The following STK3 variants were observed in gnomAD, a reference collection of about 807,000 sequenced individuals.
STK3 encodes the protein serine/threonine kinase 3.
A neutral mutation model predicts 58.0 loss-of-function variants in STK3; 41 were observed. The observed-to-expected ratio is 0.71, with a 90% CI of 0.55 to 0.92. The LOEUF is 0.92. Among genes scored for constraint, STK3 ranks in the 40% least tolerant of loss-of-function variants. STK3 has a pLI of 0.00. For synonymous variants in STK3, 170 were observed against 191.0 expected, an observed-to-expected ratio of 0.89 and a Z score of 0.91; for missense variants, 479 against 602.7, an observed-to-expected ratio of 0.79 and a Z score of 2.15.
At chr8:98,648,944 C>A (rs935668264) in intron 6 of STK3, among the ~76,000 whole-genome samples, 1 of 150,272 alleles carries the variant, frequency 6.7e-6, no homozygotes, top group South Asian at 2.1e-4. Flanking sequence ...GTAATCCCAG[C>A]TACTTGGGAG....
chr8:98,908,457 G>T (rs576488625), intron 1 of STK3, among the ~76,000 whole-genome samples: 5 of 152,356 alleles, frequency 3.3e-5, no homozygotes, highest in African/African-American at 1.2e-4. Flanking sequence ...GGAGGCCAAA[G>T]TGGGAGGATC....
intron 3 of STK3, among the ~76,000 whole-genome samples, chr8:98,415,751 A>C (rs1182817624): frequency 6.6e-6 from 1 of 152,380 alleles, no homozygotes; most frequent in South Asian, 2.1e-4. Flanking sequence ...AGTAAACTTC[A>C]TCCTATTCCA....
intron 3 of STK3, among the ~76,000 whole-genome samples, chr8:98,848,017 A>AAC (rs1225136366): frequency 6.6e-6 from 1 of 152,156 alleles, no homozygotes; most frequent in East Asian, 1.9e-4. Flanking sequence ...CATGCTGTTT[A>AAC]GGTTAAAGCC....
At chr8:98,747,365 C>A (rs1829710488) in intron 4 of STK3, among the ~76,000 whole-genome samples, 1 of 151,986 alleles carries the variant, frequency 6.6e-6, no homozygotes. Context: ...AAACAAATTG[C>A]CATATTCTTA....
intron 3 of STK3, among the ~76,000 whole-genome samples, chr8:98,405,111 A>G (rs190546552): frequency 1.1e-3 from 173 of 152,252 alleles, no homozygotes; most frequent in African/African-American, 3.4e-3. Flanking sequence ...ATGAATCCCT[A>G]TTTGGCCCCA....
intron 3 of STK3, among the ~76,000 whole-genome samples, chr8:98,752,897 A>G (rs931195702): frequency 6.6e-6 from 1 of 152,006 alleles, no homozygotes; most frequent in African/African-American, 2.4e-5. Flanking sequence ...AATCAAAACC[A>G]CAATGAGATA....
At chr8:98,791,159 C>A (rs567755861) in intron 1 of STK3, among the ~76,000 whole-genome samples, 20 of 152,232 alleles carry the variant, frequency 1.3e-4, no homozygotes, top group African/African-American at 4.6e-4. Flanking sequence ...ATCAGTATCT[C>A]TTCTATACAC....
At chr8:98,478,980 C>T (rs918427356) in intron 10 of STK3, among the ~76,000 whole-genome samples, 5 of 152,200 alleles carry the variant, frequency 3.3e-5, no homozygotes, top group African/African-American at 1.2e-4. Flanking sequence ...CTGCTAAATA[C>T]ATCTAAGTCC....
At chr8:98,720,385 C>G (rs957650326) in intron 4 of STK3, among the ~76,000 whole-genome samples, 7 of 152,150 alleles carry the variant, frequency 4.6e-5, no homozygotes, top group Admixed American at 6.6e-5. Context: ...CACATTTCTT[C>G]AACAATCAAT....
chr8:98,656,423 C>T (rs888127028), intron 6 of STK3, among the ~76,000 whole-genome samples: 2 of 151,814 alleles, frequency 1.3e-5, no homozygotes, highest in African/African-American at 4.8e-5. Context: ...CAGCATGGCA[C>T]GTGTATACAT....
chr8:98,411,240 G>A (rs1238570492), intron 3 of STK3, among the ~76,000 whole-genome samples: 1 of 152,206 alleles, frequency 6.6e-6, no homozygotes, highest in Non-Finnish European at 1.5e-5. Context: ...ATTTTGCATT[G>A]CTCTAACTGC....
rs1348298000 is a variant in STK3, at chr8:98,547,982, ATCT to A, written c.1125_1127del (p.Glu375del). On this transcript the variant is annotated inframe_deletion, in exon 9 of 11. Transcript: ENST00000419617. ...AAAGCCACATACTTTTCATAGTTCC[ATCT>A]TCTTCTTCCTCATCCTCACTGTTTA... 16 of 1,589,766 alleles carry A rather than the reference ATCT, an allele frequency of 1.0e-5. No homozygotes were observed. The highest frequency in any genetic ancestry group is 8.2e-5 in the African/African-American group (6 of 73,604).
intron 10 of STK3, among the ~76,000 whole-genome samples, chr8:98,522,201 A>C (rs976497706): frequency 4.6e-5 from 7 of 152,192 alleles, no homozygotes; most frequent in Non-Finnish European, 1.0e-4. Flanking sequence ...AGACAGTAGA[A>C]GGCTACATGT....
At chr8:98,526,314 A>C (rs1460326687) in intron 10 of STK3, 1 of 152,354 alleles carries the variant, frequency 6.6e-6, no homozygotes, top group Non-Finnish European at 1.5e-5. Flanking sequence ...CACTTACTCA[A>C]ATAGAAACCA....
At chr8:98,715,637 C>T (rs1037064090) in intron 4 of STK3, among the ~76,000 whole-genome samples, 7 of 152,082 alleles carry the variant, frequency 4.6e-5, no homozygotes, top group South Asian at 2.1e-4. Flanking sequence ...AAACAACAAG[C>T]GCTGGAGAGG....
intron 9 of STK3, among the ~76,000 whole-genome samples, chr8:98,529,079 C>T (rs2131496448): frequency 6.6e-6 from 1 of 152,212 alleles, no homozygotes; most frequent in Middle Eastern, 3.4e-3. Flanking sequence ...TTGTAATAGT[C>T]CTAGCACAGT....
intron 6 of STK3, among the ~76,000 whole-genome samples, chr8:98,692,021 A>C (rs919570483): frequency 1.3e-5 from 2 of 152,140 alleles, no homozygotes; most frequent in Admixed American, 1.3e-4. Context: ...ATATGAAAAG[A>C]TGTTCAATAT....
Position 98,794,960 on chromosome 8 carries a change from C to T in STK3, c.27-20141G>A, listed in dbSNP as rs530738057. Among the ~76,000 whole-genome samples, 1,275 of 149,444 alleles carry T rather than the reference C, an allele frequency of 8.5e-3. 11 individuals carry two copies. Among genetic ancestry groups the T allele is most frequent in the African/African-American group, 0.03 (1,200 of 40,548 alleles). On this transcript the variant is annotated intron_variant, in intron 1 of 10. Coordinates refer to ENST00000419617, the MANE Select transcript of STK3 (RefSeq NM_006281.4). ...TGCATGCCTGTAATCCCAGCTACTCCAGAGGCTTGAGGCAGGAGAATGGCT... is the reference window on the plus strand; with the variant it reads ...TGCATGCCTGTAATCCCAGCTACTCTAGAGGCTTGAGGCAGGAGAATGGCT...
At chr8:98,904,547 A>C in intron 1 of STK3, 1 of 497,966 alleles carries the variant, frequency 2.0e-6, no homozygotes, top group Non-Finnish European at 3.9e-6. Flanking sequence ...AAGTTCTCAT[A>C]TATGCCCGCA....
Sources: gnomAD v4.1 joint callset for allele counts (sites outside exome capture counted in the v4.1 genomes callset) on GRCh38, gnomAD v4.1.1 for gene constraint, MANE v1.5 for transcripts, NCBI Gene and HGNC (gene_info 2026-07-23, HGNC 2026-07-21) for gene names.